Variants in STX8 observed in about 807,000 individuals in gnomAD.
STX8 encodes the protein syntaxin 8, also known as syntaxin-8.
In STX8, 23 loss-of-function variants were observed where a neutral mutation model predicts 37.5. That is an observed-to-expected ratio of 0.61 (90% CI 0.44 to 0.87). The LOEUF is 0.87. STX8 is among the 40% of genes least tolerant of loss of function. STX8 has a pLI of 0.00. For synonymous variants in STX8, 115 were observed against 99.1 expected, an observed-to-expected ratio of 1.16 and a Z score of -0.95; for missense variants, 313 against 284.7, an observed-to-expected ratio of 1.10 and a Z score of -0.71.
At chr17:9,290,299 T>A (rs996887993) in intron 7 of STX8, among the ~76,000 whole-genome samples, 1 of 129,012 alleles carries the variant, frequency 7.8e-6, no homozygotes, top group African/African-American at 3.1e-5. Context: ...TGAAAGTCTA[T>A]GTCAAATGCA....
chr17:9,411,850 A>G lies in STX8; in HGVS notation c.542-33197T>C, dbSNP rs1174973159. On this transcript the variant is annotated intron_variant, in intron 6 of 7. Coordinates refer to ENST00000306357, the MANE Select transcript of STX8 (RefSeq NM_004853.3). ...TTTTTAGAAGCAACCTAATATATAG[A>G]ACAGTAGTATATATAATTTTTCAGA... Among the ~76,000 whole-genome samples, 8 of 152,328 alleles carry G rather than the reference A, an allele frequency of 5.3e-5. 1 individual carries two copies. The highest frequency in any genetic ancestry group is 1.2e-4 in the Non-Finnish European group (8 of 68,026).
chr17:9,303,986 T>G (rs1405890605), intron 7 of STX8, among the ~76,000 whole-genome samples: 2 of 150,568 alleles, frequency 1.3e-5, no homozygotes, highest in Non-Finnish European at 2.9e-5. Context: ...AAAAAAATCA[T>G]CATAAGCAAT....
At chr17:9,467,814 G>A (rs897346389) in intron 6 of STX8, among the ~76,000 whole-genome samples, 7 of 152,174 alleles carry the variant, frequency 4.6e-5, no homozygotes, top group Admixed American at 1.3e-4. Flanking sequence ...TTCCAGGCAC[G>A]TCCAGGGCCT....
chr17:9,290,377 G>A (rs558031514), intron 7 of STX8, among the ~76,000 whole-genome samples: 65 of 152,230 alleles, frequency 4.3e-4, no homozygotes, highest in Admixed American at 3.9e-3. Context: ...GCATCTGAAC[G>A]CCATGGAACA....
intron 7 of STX8, among the ~76,000 whole-genome samples, chr17:9,263,025 A>G (rs557248187): frequency 3.2e-4 from 48 of 152,306 alleles, no homozygotes; most frequent in African/African-American, 1.1e-3. Flanking sequence ...TTGCTTTACT[A>G]CTTTAGTCTT....
chr17:9,377,389 C>A (rs1411916962), intron 7 of STX8, among the ~76,000 whole-genome samples: 3 of 152,042 alleles, frequency 2.0e-5, no homozygotes, highest in Non-Finnish European at 4.4e-5. Flanking sequence ...CAGCCTCAGC[C>A]TCCTGGGCTC....
chr17:9,542,004 AT>A (rs35489488), intron 4 of STX8, among the ~76,000 whole-genome samples: 36,389 of 143,948 alleles, frequency 0.25, 4,705 homozygotes, highest in African/African-American at 0.36. Flanking sequence ...AAACATTTGT[AT>A]TTTTTTTTTT....
intron 6 of STX8, among the ~76,000 whole-genome samples, chr17:9,430,051 TTC>T (rs1913884542): frequency 2.0e-5 from 1 of 50,006 alleles, no homozygotes; most frequent in Non-Finnish European, 3.5e-5. Flanking sequence ...AATATATATA[TTC>T]TATATAATAT....
At chr17:9,304,073 A>C (rs1478721300) in intron 7 of STX8, among the ~76,000 whole-genome samples, 1 of 152,234 alleles carries the variant, frequency 6.6e-6, no homozygotes, top group Non-Finnish European at 1.5e-5. Flanking sequence ...ATTTATAAAA[A>C]GTCTCTCAAC....
rs371008889 is a variant in STX8 at position 9,441,752 on chromosome 17, G to A, written c.541+50077C>T. 5.7e-5 allele frequency among the ~76,000 whole-genome samples: 8 copies of A among 140,530 alleles called. No homozygotes were observed. The South Asian group carries it at 1.4e-3, about 25-fold the overall frequency. 92.2% of individuals were successfully genotyped at this position (140,530 alleles called of 152,430 possible). A position where few individuals can be genotyped will look rare whatever the true frequency, so the allele number is the denominator to read the frequency against. Reference sequence around the variant, plus strand: ...GTGCAGTGGCGCGATCTCAGCTCACGGCAAGCTCCGCCTCCCGGGTTCACA... The same window carrying A: ...GTGCAGTGGCGCGATCTCAGCTCACAGCAAGCTCCGCCTCCCGGGTTCACA... On this transcript the variant is annotated intron_variant, in intron 6 of 7. Coordinates refer to ENST00000306357, the MANE Select transcript of STX8 (RefSeq NM_004853.3).
At chr17:9,466,113 G>A (rs1436982284) in intron 6 of STX8, among the ~76,000 whole-genome samples, 1 of 152,032 alleles carries the variant, frequency 6.6e-6, no homozygotes, top group Non-Finnish European at 1.5e-5. Context: ...AGGGATTACA[G>A]GTGCACGCCA....
chr17:9,441,865 C>T (rs889702914), intron 6 of STX8, among the ~76,000 whole-genome samples: 14 of 151,668 alleles, frequency 9.2e-5, no homozygotes, highest in Non-Finnish European at 1.3e-4. Flanking sequence ...TTAGTAGAGA[C>T]GGGGTTTCAC....
intron 6 of STX8, among the ~76,000 whole-genome samples, chr17:9,392,424 A>G (rs115842097): frequency 0.025 from 3,860 of 152,236 alleles, 175 homozygotes; most frequent in African/African-American, 0.088. Flanking sequence ...TCTGGACAAC[A>G]TAGTGAGAAC....
At chr17:9,428,533 T>C (rs536829185) in intron 6 of STX8, among the ~76,000 whole-genome samples, 6 of 151,978 alleles carry the variant, frequency 3.9e-5, no homozygotes, top group Non-Finnish European at 8.8e-5. Flanking sequence ...AGCCACCCCG[T>C]CCGGCAAAGA....
intron 6 of STX8, among the ~76,000 whole-genome samples, chr17:9,384,013 G>A (rs1597638002): frequency 6.6e-6 from 1 of 152,040 alleles, no homozygotes; most frequent in East Asian, 1.9e-4. Flanking sequence ...TCTATCTGTG[G>A]TTTTCTGAGG....
chr17:9,387,159 C>G (rs937527289), intron 6 of STX8, among the ~76,000 whole-genome samples: 1 of 152,200 alleles, frequency 6.6e-6, no homozygotes, highest in African/African-American at 2.4e-5. Flanking sequence ...ATTTCGAGAT[C>G]TTGTGACATC....
At chr17:9,550,640 C>G (rs1315690258) in intron 3 of STX8, among the ~76,000 whole-genome samples, 5 of 152,138 alleles carry the variant, frequency 3.3e-5, no homozygotes, top group Non-Finnish European at 5.9e-5. Flanking sequence ...TACCTACTAC[C>G]AGCATGCATA....
chr17:9,509,203 C>G (rs1452149922), intron 4 of STX8, among the ~76,000 whole-genome samples: 2 of 152,070 alleles, frequency 1.3e-5, no homozygotes, highest in African/African-American at 4.8e-5. Context: ...GAGCTGAGAC[C>G]ACGCTACTGC....
At chr17:9,477,306 T>A (rs1204796215) in intron 6 of STX8, among the ~76,000 whole-genome samples, 1 of 152,120 alleles carries the variant, frequency 6.6e-6, no homozygotes, top group African/African-American at 2.4e-5. Context: ...AACATTTGAA[T>A]TTGGGGGGTG....
Sources: gnomAD v4.1 joint callset for allele counts (sites outside exome capture counted in the v4.1 genomes callset) on GRCh38, gnomAD v4.1.1 for gene constraint, MANE v1.5 for transcripts, NCBI Gene and HGNC (gene_info 2026-07-23, HGNC 2026-07-21) for gene names.